ESRRG: variants seen among roughly 807,000 people sequenced by gnomAD.
ESRRG encodes the protein estrogen related receptor gamma, also known as estrogen-related receptor gamma.
ESRRG carries 13 observed loss-of-function variants against 44.0 expected under a neutral mutation model. That is an observed-to-expected ratio of 0.30 (90% CI 0.19 to 0.47). ESRRG has a LOEUF of 0.47. ESRRG is among the 20% of genes least tolerant of loss of function. ESRRG has a pLI of 1.00. For synonymous variants in ESRRG, 215 were observed against 214.6 expected, an observed-to-expected ratio of 1.00 and a Z score of -0.02; for missense variants, 395 against 580.6, an observed-to-expected ratio of 0.68 and a Z score of 3.29.
intron 1 of ESRRG, among the ~76,000 whole-genome samples, chr1:217,088,421 TTTTTTGAGA>T (rs1482671094): frequency 1.4e-5 from 2 of 139,080 alleles, no homozygotes; most frequent in Non-Finnish European, 3.1e-5. Flanking sequence ...TTTTTTTTTT[TTTTTTGAGA>T]GAGAGAGAGA....
At chr1:216,787,248 C>G (rs897527183) in intron 2 of ESRRG, among the ~76,000 whole-genome samples, 2 of 152,074 alleles carry the variant, frequency 1.3e-5, no homozygotes, top group Admixed American at 1.3e-4. Flanking sequence ...TGGTCTCTCT[C>G]TCTCTGTCCT....
chr1:217,092,042 T>C (rs1311273619), upstream of ESRRG, among the ~76,000 whole-genome samples: 4 of 152,304 alleles, frequency 2.6e-5, no homozygotes, highest in East Asian at 7.7e-4. Context: ...AGCTGAGTGG[T>C]TTCTTACCCC....
chr1:216,717,003 T>C (rs1278462079), intron 1 of ESRRG, among the ~76,000 whole-genome samples: 1 of 151,892 alleles, frequency 6.6e-6, no homozygotes, highest in African/African-American at 2.4e-5. Context: ...ACCTTCCAAG[T>C]ATACATGCAT....
At chr1:216,705,496 C>CTTCAGTTCA (rs1404218337) in intron 1 of ESRRG, among the ~76,000 whole-genome samples, 8 of 152,086 alleles carry the variant, frequency 5.3e-5, no homozygotes, top group African/African-American at 1.7e-4. Context: ...TCTTCAGTTA[C>CTTCAGTTCA]ACTTCCGTTG....
At chr1:216,819,104 T>C (rs1359426274) in intron 2 of ESRRG, among the ~76,000 whole-genome samples, 1 of 152,210 alleles carries the variant, frequency 6.6e-6, no homozygotes, top group East Asian at 1.9e-4. Flanking sequence ...AATAAAATGA[T>C]TCATATTCCT....
intron 2 of ESRRG, among the ~76,000 whole-genome samples, chr1:216,840,835 G>A (rs1042097436): frequency 6.6e-6 from 1 of 152,102 alleles, no homozygotes; most frequent in African/African-American, 2.4e-5. Context: ...TCTTATATGG[G>A]TATGGTTTGT....
chr1:216,785,028 A>C (rs1043544634), intron 2 of ESRRG, among the ~76,000 whole-genome samples: 1 of 152,068 alleles, frequency 6.6e-6, no homozygotes, highest in African/African-American at 2.4e-5. Flanking sequence ...AAACATTTGC[A>C]GCCAAAGCCT....
At chr1:216,710,681 C>T (rs1456588364) in intron 1 of ESRRG, among the ~76,000 whole-genome samples, 1 of 152,142 alleles carries the variant, frequency 6.6e-6, no homozygotes, top group Non-Finnish European at 1.5e-5. Context: ...AATTTTGCAT[C>T]CAAAGTGAAC....
At chr1:216,545,141 T>C (rs2054100234) in intron 5 of ESRRG, among the ~76,000 whole-genome samples, 1 of 149,824 alleles carries the variant, frequency 6.7e-6, no homozygotes, top group Non-Finnish European at 1.5e-5. Context: ...CCTCCAGGGT[T>C]CAAGCAAAAA....
At chr1:217,014,316 T>C (rs2079042437) in intron 1 of ESRRG, among the ~76,000 whole-genome samples, 1 of 152,092 alleles carries the variant, frequency 6.6e-6, no homozygotes, top group African/African-American at 2.4e-5. Context: ...ACTCTTCTTT[T>C]GTCAGGCAAA....
intron 1 of ESRRG, among the ~76,000 whole-genome samples, chr1:217,086,920 A>AT (rs145847258): frequency 3.1e-4 from 45 of 146,944 alleles, no homozygotes; most frequent in African/African-American, 8.3e-4. Context: ...CACACAAGAC[A>AT]TTTTTTTTTT....
chr1:216,527,638 C>A (rs1032889271), intron 5 of ESRRG, among the ~76,000 whole-genome samples: 1 of 152,084 alleles, frequency 6.6e-6, no homozygotes, highest in Non-Finnish European at 1.5e-5. Context: ...CCCTAAGCAC[C>A]GCCATCCACC....
chr1:216,784,793 T>C (rs2094064558), intron 2 of ESRRG, among the ~76,000 whole-genome samples: 1 of 152,198 alleles, frequency 6.6e-6, no homozygotes, highest in East Asian at 1.9e-4. Context: ...TATTAGTTCA[T>C]GGAAATGCTA....
At chr1:216,530,120 A>G (rs1212049751) in intron 5 of ESRRG, among the ~76,000 whole-genome samples, 1 of 150,492 alleles carries the variant, frequency 6.6e-6, no homozygotes, top group Non-Finnish European at 1.5e-5. Context: ...AAAAAAAAAA[A>G]AAAAAAAAAA....
intron 1 of ESRRG, among the ~76,000 whole-genome samples, chr1:216,681,578 T>C (rs2077040039): frequency 6.6e-6 from 1 of 152,186 alleles, no homozygotes. Flanking sequence ...AGATACAGCA[T>C]CAAATAATTC....
At chr1:216,801,048 G>T (rs1467257500) in intron 2 of ESRRG, among the ~76,000 whole-genome samples, 3 of 151,948 alleles carry the variant, frequency 2.0e-5, no homozygotes, top group East Asian at 1.9e-4. Flanking sequence ...TAGTGAAATG[G>T]TTACCATAAT....
At chr1:216,794,229 A>G (rs10218758) in intron 2 of ESRRG, among the ~76,000 whole-genome samples, 10,003 of 152,238 alleles carry the variant, frequency 0.066, 389 homozygotes, top group Middle Eastern at 0.14. Context: ...ACGTAAGTGT[A>G]AAAGAAAGAA....
chr1:217,124,281 C>T (rs939085536), intron 1 of ESRRG, among the ~76,000 whole-genome samples: 1 of 152,134 alleles, frequency 6.6e-6, no homozygotes, highest in Non-Finnish European at 1.5e-5. Context: ...TATTCCACAA[C>T]TCTGGAAAGG....
chr1:217,066,010 C>A (rs763519609), intron 1 of ESRRG, among the ~76,000 whole-genome samples: 11 of 152,150 alleles, frequency 7.2e-5, no homozygotes, highest in Non-Finnish European at 1.3e-4. Flanking sequence ...TGTCCCTCCC[C>A]AGTGGCGTTG....
Sources: allele counts gnomAD v4.1 joint callset (sites outside exome capture counted in the v4.1 genomes callset), GRCh38; gene constraint gnomAD v4.1.1; transcripts MANE v1.5; gene names NCBI Gene and HGNC (gene_info 2026-07-23, HGNC 2026-07-21).